Variants in MYH13 observed in about 807,000 individuals in gnomAD.
MYH13 encodes myosin heavy chain 13.
Under a neutral mutation model 232.1 loss-of-function variants are expected in MYH13, and 177 were observed. The observed-to-expected ratio is 0.76, with a 90% CI of 0.67 to 0.86. MYH13 has a LOEUF of 0.86. MYH13 is among the 40% of genes least tolerant of loss of function. MYH13 has a pLI of 0.00. For missense variants in MYH13, 2,246 were observed against 2,405.9 expected, an observed-to-expected ratio of 0.93 and a Z score of 1.39; for synonymous variants, 884 against 923.5, an observed-to-expected ratio of 0.96 and a Z score of 0.78.
Position 10,332,333 on chromosome 17 carries a change from C to T in MYH13, c.2175-111G>A, listed in dbSNP as rs73281985. On this transcript the variant is annotated intron_variant, in intron 19 of 40. Transcript: ENST00000252172. ...TCAAGCCTTAGGAGGAAGTGGAATA[C>T]TGTACAGCTGGTCTGGGAGATGGGA... 12,825 of 1,379,326 alleles carry T rather than the reference C, an allele frequency of 9.3e-3. 929 individuals are homozygous for T. The African/African-American group carries it at 0.16, about 17-fold the overall frequency. 85.4% of individuals were successfully genotyped at this position (1,379,326 alleles called of 1,614,324 possible).
rs535129161 is a variant in MYH13, at chr17:10,328,228, G to A, written c.2436-107C>T. On this transcript the variant is annotated intron_variant, in intron 21 of 40. Coordinates refer to ENST00000252172, the MANE Select transcript of MYH13 (RefSeq NM_003802.3). ...TCCTCCGTCTTTCTCGGTTAGGTGG[G>A]AAGGAGGTGCAGCCAAGCTTGGCAG... 1.8e-4 allele frequency: 246 copies of A among 1,342,926 alleles called. 3 individuals carry two copies. The South Asian group carries it at 3.2e-3, about 18-fold the overall frequency. 83.2% of individuals were successfully genotyped at this position (1,342,926 alleles called of 1,614,324 possible).
chr17:10,312,707 G>T lies in MYH13; in HGVS notation c.4232C>A (p.Ala1411Glu), dbSNP rs757283120. 3 of 1,613,502 alleles carry T rather than the reference G, an allele frequency of 1.9e-6. No individual in the cohort carries two copies. Among genetic ancestry groups the T allele is most frequent in the Non-Finnish European group, 2.5e-6 (3 of 1,179,768 alleles). Residue 1411 changes from alanine (A) to glutamate (E), a missense_variant, in exon 31 of 41, where the codon GCG (alanine) becomes GAG (glutamate). Coordinates refer to ENST00000252172, the MANE Select transcript of MYH13 (RefSeq NM_003802.3). ...LQEAEENTET[A>E]NSKCASLEKT... ...CTCCAACGATGCGCACTTGGAGTTC[G>T]CCGTCTCCGTGTTCTCCTCTGCTTC...
rs773929045 is a variant in MYH13 at position 10,345,201 on chromosome 17, C to T, written c.1584+1G>A. ...TGTCCCAGGCAGCAGTATCTCTCTA[C>T]CTTCTCGATGAGCTCGATGCAGGCA... On this transcript the variant is annotated splice_donor_variant, in intron 15 of 40. Transcript: ENST00000252172. LOFTEE classifies it high-confidence loss of function. 1.9e-6 allele frequency: 3 copies of T among 1,613,940 alleles called. No individual in the cohort carries two copies. Among genetic ancestry groups the T allele is most frequent in the Non-Finnish European group, 2.5e-6 (3 of 1,179,944 alleles).
intron 3 of MYH13, 25 bp from the exon 4 acceptor site, chr17:10,362,528 T>G (rs747117171): frequency 6.2e-7 from 1 of 1,613,944 alleles, no homozygotes. Context: ...GAAAAGCAGG[T>G]AATAAATTGG....
intron 27 of MYH13, among the ~76,000 whole-genome samples, chr17:10,316,886 G>A (rs1906734695): frequency 6.6e-6 from 1 of 152,202 alleles, no homozygotes; most frequent in African/African-American, 2.4e-5. Context: ...AGAATGGTAA[G>A]TATGAGATGG....
At chr17:10,316,258 T>C (rs985706765) in intron 27 of MYH13, among the ~76,000 whole-genome samples, 3 of 152,144 alleles carry the variant, frequency 2.0e-5, no homozygotes, top group African/African-American at 7.2e-5. Flanking sequence ...GTCAGGAGTT[T>C]GAGACTAGCC....
intron 13 of MYH13, among the ~76,000 whole-genome samples, chr17:10,346,068 C>T (rs146551854): frequency 1.3e-5 from 2 of 150,030 alleles, no homozygotes; most frequent in South Asian, 2.1e-4. Flanking sequence ...TCAGATCATT[C>T]AATGCAATAT....
intron 23 of MYH13, among the ~76,000 whole-genome samples, chr17:10,322,200 G>T (rs1906971208): frequency 6.6e-6 from 1 of 151,196 alleles, no homozygotes; most frequent in Non-Finnish European, 1.5e-5. Context: ...AGACCATCCT[G>T]ACTAACATCG....
At chr17:10,360,240 TTAAAA>T (rs1392510423) in intron 5 of MYH13, 52 bp from the exon 6 acceptor site, 14 of 1,586,584 alleles carry the variant, frequency 8.8e-6, no homozygotes, top group African/African-American at 4.0e-5. Flanking sequence ...AAACAGAATG[TTAAAA>T]TAAAGTAACA....
chr17:10,334,600 C>T (rs999154592), intron 18 of MYH13, among the ~76,000 whole-genome samples: 1 of 151,982 alleles, frequency 6.6e-6, no homozygotes, highest in African/African-American at 2.4e-5. Flanking sequence ...AGAGAACTGG[C>T]CAGGTGCAGT....
chr17:10,312,638 C>T lies in MYH13; in HGVS notation c.4301G>A (p.Arg1434Gln), dbSNP rs200183030. 56 of 1,613,302 alleles carry T rather than the reference C, an allele frequency of 3.5e-5. 1 individual carries two copies. In the East Asian group the frequency reaches 7.4e-4, roughly 21 times the overall value. ...GGCGGTGTGGGAGCGCTCCAGATCC[C>T]GCATCAGATCCTCCACCTCTCCCTG... ...RLQGEVEDLM[R>Q]DLERSHTACA... is the part of the protein sequence containing the mutation. Residue 1434 changes from arginine (R) to glutamine (Q), a missense_variant, in exon 31 of 41, where the codon CGG (arginine) becomes CAG (glutamine). Physicochemically the swap from Arg to Gln is conservative, Grantham distance 43 (BLOSUM62 1). Coordinates refer to ENST00000252172, the MANE Select transcript of MYH13 (RefSeq NM_003802.3).
rs781376899 is a variant in MYH13 at position 10,306,835 on chromosome 17, C to T, written c.5295+104G>A. ...ATCTGTCTGGGAAGCCACCACTAAC[C>T]GATTGTTGTCATAAGAGATGAAACA... On this transcript the variant is annotated intron_variant, in intron 36 of 40. Coordinates refer to ENST00000252172, the MANE Select transcript of MYH13 (RefSeq NM_003802.3). This position sits in a 1 kb window ranked among gnomAD's most constrained non-coding sequence, Gnocchi z 4.3. 7 of 1,577,090 alleles carry T rather than the reference C, an allele frequency of 4.4e-6. No individual in the cohort carries two copies. The highest frequency in any genetic ancestry group is 1.4e-5 in the African/African-American group (1 of 74,056).
At chr17:10,313,393 A>G (rs967561472) in intron 29 of MYH13, 39 bp from the exon 30 acceptor site, 1 of 1,613,422 alleles carries the variant, frequency 6.2e-7, no homozygotes, top group South Asian at 1.1e-5. Context: ...AAAACATTTG[A>G]CCCTTTTCCA....
intron 12 of MYH13, among the ~76,000 whole-genome samples, chr17:10,347,270 A>G (rs1229412210): frequency 6.6e-6 from 1 of 152,036 alleles, no homozygotes; most frequent in East Asian, 1.9e-4. Context: ...GAGGCTGAGG[A>G]AGGAGAATCA....
chr17:10,326,583 G>C (rs1460235073), intron 22 of MYH13, among the ~76,000 whole-genome samples: 1 of 149,794 alleles, frequency 6.7e-6, no homozygotes, highest in Non-Finnish European at 1.5e-5. Flanking sequence ...TGATTCTCCT[G>C]CCTCAGCCTC....
rs763567078 is a variant in MYH13, at chr17:10,364,455, C to T, written c.76G>A (p.Glu26Lys). The T allele has an allele frequency of 1.1e-5, 18 of 1,612,512 alleles. No individual in the cohort carries two copies. The highest frequency in any genetic ancestry group is 1.7e-5 in the Admixed American group (1 of 59,888). ...YLRKPEKERIEAQNRPFDSKK... is the reference protein window; with the variant it reads ...YLRKPEKERIKAQNRPFDSKK... Reference sequence around the variant, plus strand: ...GAATCGAATGGACGATTTTGAGCCTCGATTCTCTCCTTCTCTGGTTTCCGG... The same window carrying T: ...GAATCGAATGGACGATTTTGAGCCTTGATTCTCTCCTTCTCTGGTTTCCGG... The change falls in exon 3 of 41, where the codon GAG becomes AAG. Residue 26 changes from glutamate (E) to lysine (K), a missense_variant. Glu to Lys is a moderately conservative substitution (Grantham distance 56, BLOSUM62 1). Coordinates refer to ENST00000252172, the MANE Select transcript of MYH13 (RefSeq NM_003802.3).
In MYH13 at chr17:10,345,626, G is replaced by T; in HGVS notation, c.1264-10C>A. ...CCACCGAATTGGTCACCTTGAAAAA[G>T]GATCACCCACTCAACCCTTGAGTTA... On this transcript the variant is annotated splice_polypyrimidine_tract_variant and intron_variant, in intron 13 of 40. Transcript: ENST00000252172. 2 of 1,614,090 alleles carry T rather than the reference G, an allele frequency of 1.2e-6. No homozygotes were observed. The highest frequency in any genetic ancestry group is 8.5e-7 in the Non-Finnish European group (1 of 1,180,008).
chr17:10,370,713 A>G (rs189669033), intron 2 of MYH13, among the ~76,000 whole-genome samples: 189 of 152,302 alleles, frequency 1.2e-3, no homozygotes, highest in African/African-American at 4.4e-3. Flanking sequence ...TTTGGTCCCA[A>G]TTCATCTAGA....
rs762615342 is a variant in MYH13 at position 10,311,209 on chromosome 17, G to T, written c.4550C>A (p.Thr1517Asn). The stretch of plus-strand genomic sequence containing the variant: ...CTTGCCAGTTTCTGCAATCTGCTCA[G>T]TTAAGTCGGAAATCTCTTCTGCAAA... Reference protein sequence around the residue: ...KNLQEEISDLTEQIAETGKNL... With the variant: ...KNLQEEISDLNEQIAETGKNL... The change falls in exon 33 of 41, where the codon ACT (threonine) becomes AAT (asparagine). Residue 1517 changes from threonine to asparagine, a missense_variant. Coordinates refer to ENST00000252172, the MANE Select transcript of MYH13 (RefSeq NM_003802.3). 6.2e-7 allele frequency: 1 copy of T among 1,614,030 alleles called. No individual in the cohort carries two copies. Among genetic ancestry groups the T allele is most frequent in the Admixed American group, 1.7e-5 (1 of 60,032 alleles).
Sources: gnomAD v4.1 joint callset for allele counts (sites outside exome capture counted in the v4.1 genomes callset) on GRCh38, gnomAD v4.1.1 for gene constraint, Gnocchi (gnomAD v3.1) non-coding constraint, MANE v1.5 for transcripts, NCBI Gene and HGNC (gene_info 2026-07-23, HGNC 2026-07-21) for gene names.